The following PTPRE variants were observed in gnomAD, a reference collection of about 807,000 sequenced individuals.
The protein encoded by PTPRE is receptor-type tyrosine-protein phosphatase epsilon.
A neutral mutation model predicts 102.0 loss-of-function variants in PTPRE; 51 were observed. That is an observed-to-expected ratio of 0.50 (90% CI 0.40 to 0.63). PTPRE has a LOEUF of 0.63. Ranked by LOEUF, PTPRE falls within the 30% of genes least tolerant of loss-of-function variation. PTPRE has a pLI of 0.00. For missense variants in PTPRE, 752 were observed against 915.1 expected (o/e 0.82, Z 2.30); for synonymous variants, 345 against 348.2 (o/e 0.99, Z 0.10).
At chr10:127,946,468 A>G (rs1016347232) in intron 1 of PTPRE, among the ~76,000 whole-genome samples, 5 of 147,346 alleles carry the variant, frequency 3.4e-5, no homozygotes, top group African/African-American at 1.2e-4. Flanking sequence ...GAAAGATTGA[A>G]AAGAGATTGA....
At chr10:127,930,583 A>T (rs575903789) in intron 1 of PTPRE, among the ~76,000 whole-genome samples, 3 of 152,192 alleles carry the variant, frequency 2.0e-5, no homozygotes, top group African/African-American at 7.2e-5. Flanking sequence ...TAACATGTGC[A>T]TGTAGGTTTT....
intron 6 of PTPRE, among the ~76,000 whole-genome samples, chr10:128,054,389 G>C (rs1166336509): frequency 1.3e-5 from 2 of 152,064 alleles, no homozygotes; most frequent in African/African-American, 2.4e-5. Context: ...GGTAGAAAAA[G>C]AGAAGGCTCT....
chr10:127,984,304 C>T (rs1298776479), intron 2 of PTPRE, among the ~76,000 whole-genome samples: 2 of 152,042 alleles, frequency 1.3e-5, no homozygotes, highest in African/African-American at 4.8e-5. Flanking sequence ...TGGTCTCGAA[C>T]TCCCGACCTC....
At chr10:127,988,437 C>G (rs1371157231) in intron 2 of PTPRE, among the ~76,000 whole-genome samples, 2 of 152,046 alleles carry the variant, frequency 1.3e-5, no homozygotes, top group African/African-American at 4.8e-5. Flanking sequence ...TCCTGAGTAG[C>G]TGGGATTACA....
intron 2 of PTPRE, among the ~76,000 whole-genome samples, chr10:127,989,553 G>A (rs1852425482): frequency 6.6e-6 from 1 of 152,198 alleles, no homozygotes; most frequent in African/African-American, 2.4e-5. Context: ...GAAAGGAAGT[G>A]CCAGTCCCCA....
At chr10:128,013,071 C>T (rs575620870) in intron 2 of PTPRE, among the ~76,000 whole-genome samples, 1 of 152,226 alleles carries the variant, frequency 6.6e-6, no homozygotes, top group East Asian at 1.9e-4. Flanking sequence ...AGAGAAGAGT[C>T]TATTTAATAA....
At chr10:127,939,592 C>G (rs1296657251) in intron 1 of PTPRE, among the ~76,000 whole-genome samples, 1 of 152,126 alleles carries the variant, frequency 6.6e-6, no homozygotes, top group Non-Finnish European at 1.5e-5. Flanking sequence ...AGTTCTGATA[C>G]ACAGAAATTG....
Position 128,008,679 on chromosome 10 carries a change from T to C in PTPRE, c.-8+26383T>C, listed in dbSNP as rs527333323. Among the ~76,000 whole-genome samples the C allele has an allele frequency of 2.0e-5, 3 of 152,272 alleles. No individual in the cohort carries two copies. The highest frequency in any genetic ancestry group is 7.2e-5 in the African/African-American group (3 of 41,560). On this transcript the variant is annotated intron_variant, in intron 2 of 20. Coordinates refer to ENST00000254667, the MANE Select transcript of PTPRE (RefSeq NM_006504.6). The surrounding 1 kb of genome is among the most constrained non-coding windows in gnomAD (Gnocchi z 4.0). ...GTCTTCCCAGAATCTACTGTGGTAATTCCGGCCAGGACTCAAGGATGTAAG... is the reference window on the plus strand; with the variant it reads ...GTCTTCCCAGAATCTACTGTGGTAACTCCGGCCAGGACTCAAGGATGTAAG...
intron 3 of PTPRE, among the ~76,000 whole-genome samples, chr10:128,046,588 C>T (rs746254888): frequency 2.6e-5 from 4 of 151,788 alleles, no homozygotes; most frequent in Non-Finnish European, 5.9e-5. Context: ...AGATTGTCCT[C>T]GAGGAGTGGG....
At chr10:127,945,340 G>C (rs897194211) in intron 1 of PTPRE, among the ~76,000 whole-genome samples, 40 of 152,220 alleles carry the variant, frequency 2.6e-4, no homozygotes. Context: ...CAAGCAGGTA[G>C]AGGAGAAAAG....
chr10:128,054,251 G>C (rs991083238), intron 6 of PTPRE, among the ~76,000 whole-genome samples: 1 of 152,124 alleles, frequency 6.6e-6, no homozygotes, highest in African/African-American at 2.4e-5. Flanking sequence ...ACTAGCAGAA[G>C]TCCACACGTC....
chr10:127,953,539 T>A (rs2135355231), intron 1 of PTPRE, among the ~76,000 whole-genome samples: 1 of 152,248 alleles, frequency 6.6e-6, no homozygotes, highest in South Asian at 2.1e-4. Context: ...TATGATAAAA[T>A]GGAAGCGGTG....
chr10:128,041,372 G>A (rs34025286), intron 3 of PTPRE, among the ~76,000 whole-genome samples: 28,183 of 152,030 alleles, frequency 0.19, 2,848 homozygotes, highest in Admixed American at 0.22. Context: ...TTCTTAGGCC[G>A]GGTGCGGTGG....
chr10:128,008,794 T>A lies in PTPRE; in HGVS notation c.-8+26498T>A, dbSNP rs867752419. On this transcript the variant is annotated intron_variant, in intron 2 of 20. Coordinates refer to ENST00000254667, the MANE Select transcript of PTPRE (RefSeq NM_006504.6). The surrounding 1 kb of genome is among the most constrained non-coding windows in gnomAD (Gnocchi z 4.0). ...ATAAATGCACCAAAGCCTCCAGGCA[T>A]CCAGCCTGTGTCCTCATCCTGCCAG... Among the ~76,000 whole-genome samples, 15 of 152,198 alleles carry A rather than the reference T, an allele frequency of 9.9e-5. No individual in the cohort carries two copies. The highest frequency in any genetic ancestry group is 3.4e-4 in the African/African-American group (14 of 41,462).
At chr10:128,007,834 C>G (rs1173020593) in intron 2 of PTPRE, among the ~76,000 whole-genome samples, 1 of 152,208 alleles carries the variant, frequency 6.6e-6, no homozygotes. Flanking sequence ...AGACATCATG[C>G]CCTGATCAGC....
intron 1 of PTPRE, among the ~76,000 whole-genome samples, chr10:127,912,112 T>C (rs182522797): frequency 2.9e-4 from 44 of 152,282 alleles, no homozygotes; most frequent in Non-Finnish European, 5.1e-4. Context: ...GTTTTCCCAG[T>C]CATACCCATC....
In PTPRE at chr10:128,034,523, A is replaced by T. The variant is rs535485366; in HGVS notation, c.-7-6352A>T. 3.5e-4 allele frequency among the ~76,000 whole-genome samples: 52 copies of T among 150,696 alleles called. No individual in the cohort carries two copies. The East Asian group carries it at 9.8e-3, about 28-fold the overall frequency. On this transcript the variant is annotated intron_variant, in intron 2 of 20. Transcript: ENST00000254667. ...TGGGCAACATAGTGAGACCCCCCCC[A>T]TCTTTACGAAAAAAAGTCTTAAATT...
chr10:127,961,827 T>C (rs1263565106), intron 1 of PTPRE, among the ~76,000 whole-genome samples: 3 of 152,180 alleles, frequency 2.0e-5, no homozygotes, highest in Non-Finnish European at 4.4e-5. Context: ...GTCTTGCTCA[T>C]GCTCTGCCGC....
intron 2 of PTPRE, among the ~76,000 whole-genome samples, chr10:128,019,973 T>C (rs11596685): frequency 1.3e-3 from 205 of 151,894 alleles, no homozygotes; most frequent in Non-Finnish European, 2.6e-3. Flanking sequence ...CTCAGGTTGG[T>C]CGACATGTGT....
Sources: allele counts gnomAD v4.1 joint callset (sites outside exome capture counted in the v4.1 genomes callset), GRCh38; gene constraint gnomAD v4.1.1; non-coding constraint Gnocchi (gnomAD v3.1); transcripts MANE v1.5; gene names NCBI Gene and HGNC (gene_info 2026-07-23, HGNC 2026-07-21).